The following DLGAP1 variants were observed in gnomAD, a reference collection of about 807,000 sequenced individuals.
DLGAP1 encodes disks large-associated protein 1.
Under a neutral mutation model 90.8 loss-of-function variants are expected in DLGAP1, and 11 were observed. The ratio of observed to expected loss-of-function variants is 0.12; its 90% confidence interval spans 0.08 to 0.20. The LOEUF is 0.20. Among genes scored for constraint, DLGAP1 ranks in the 10% least tolerant of loss-of-function variants. The pLI, the probability that DLGAP1 is intolerant of heterozygous loss-of-function variation, is 1.00. For synonymous variants in DLGAP1, 558 were observed against 540.7 expected (o/e 1.03, Z -0.44); for missense variants, 1,050 against 1,333.8 (o/e 0.79, Z 3.31).
At chr18:4,144,907 T>A (rs1174853416) in intron 2 of DLGAP1, among the ~76,000 whole-genome samples, 1 of 152,234 alleles carries the variant, frequency 6.6e-6, no homozygotes, top group Non-Finnish European at 1.5e-5. Context: ...TTGAACATTC[T>A]TACAGTATAA....
chr18:4,403,337 T>C (rs1417812852), intron 1 of DLGAP1, among the ~76,000 whole-genome samples: 1 of 152,136 alleles, frequency 6.6e-6, no homozygotes, highest in Non-Finnish European at 1.5e-5. Context: ...TTTTTAAAAT[T>C]CAGAAAATGC....
chr18:4,385,567 T>C (rs2082213771), intron 1 of DLGAP1, among the ~76,000 whole-genome samples: 1 of 152,072 alleles, frequency 6.6e-6, no homozygotes, highest in South Asian at 2.1e-4. Context: ...TGTGTCACAT[T>C]ATATAAATAA....
At chr18:3,699,560 G>A (rs188286684) in intron 7 of DLGAP1, among the ~76,000 whole-genome samples, 1 of 152,282 alleles carries the variant, frequency 6.6e-6, no homozygotes, top group East Asian at 1.9e-4. Flanking sequence ...TCTCCTGTAT[G>A]TGGTGTCTGT....
chr18:3,895,318 CACA>C (rs2071592971), intron 3 of DLGAP1, among the ~76,000 whole-genome samples: 1 of 147,662 alleles, frequency 6.8e-6, no homozygotes, highest in Non-Finnish European at 1.5e-5. Flanking sequence ...CACACACACA[CACA>C]TCATCATCAT....
chr18:3,993,569 G>A (rs1232065497), intron 3 of DLGAP1, among the ~76,000 whole-genome samples: 4 of 152,110 alleles, frequency 2.6e-5, no homozygotes, highest in Non-Finnish European at 5.9e-5. Flanking sequence ...AAGTGACAAC[G>A]CGTTTTGCAT....
At chr18:4,392,157 G>A (rs1393147960) in intron 1 of DLGAP1, among the ~76,000 whole-genome samples, 2 of 152,032 alleles carry the variant, frequency 1.3e-5, no homozygotes, top group Non-Finnish European at 2.9e-5. Context: ...GCCAGCAATC[G>A]CCACCAGCAA....
chr18:3,821,585 A>G (rs908073795), intron 4 of DLGAP1, among the ~76,000 whole-genome samples: 3 of 152,188 alleles, frequency 2.0e-5, no homozygotes, highest in African/African-American at 7.2e-5. Flanking sequence ...AATAATAAAC[A>G]CTTAATTCTG....
intron 1 of DLGAP1, among the ~76,000 whole-genome samples, chr18:4,160,581 C>T (rs1028239): frequency 0.017 from 2,591 of 152,196 alleles, 79 homozygotes; most frequent in African/African-American, 0.059. Context: ...TGATTATTAT[C>T]CCTCAGAAGA....
chr18:3,580,522 G>A, intron 8 of DLGAP1: 10 of 1,597,956 alleles, frequency 6.3e-6, no homozygotes, highest in East Asian at 2.3e-5. Context: ...AAGAGGAGGC[G>A]GCGGCAGCGG....
At chr18:4,189,277 G>T (rs1167611554) in intron 1 of DLGAP1, among the ~76,000 whole-genome samples, 1 of 151,844 alleles carries the variant, frequency 6.6e-6, no homozygotes, top group Non-Finnish European at 1.5e-5. Context: ...ATTTCATTAG[G>T]TCCTTCCCAG....
rs1317119880 is a variant in DLGAP1, at chr18:3,517,544, G to A, written c.2480-8883C>T. On this transcript the variant is annotated intron_variant, in intron 10 of 12. Transcript: ENST00000315677. The surrounding 1 kb of genome is among the most constrained non-coding windows in gnomAD (Gnocchi z 4.1). The stretch of plus-strand genomic sequence containing the variant: ...TAGAATTGAAGAGAGTTGGCCGGGC[G>A]CGGTGGCTCATGCCTGTAATCCCAG... Among the ~76,000 whole-genome samples, 2 of 152,134 alleles carry A rather than the reference G, an allele frequency of 1.3e-5. No homozygotes were observed. The highest frequency in any genetic ancestry group is 2.4e-5 in the African/African-American group (1 of 41,430).
intron 7 of DLGAP1, among the ~76,000 whole-genome samples, chr18:3,678,968 GTTC>G (rs1357243111): frequency 3.3e-5 from 5 of 152,074 alleles, no homozygotes; most frequent in Admixed American, 6.6e-5. Context: ...ACTATCACTG[GTTC>G]TTCTTCTTCT....
intron 2 of DLGAP1, among the ~76,000 whole-genome samples, chr18:4,048,078 A>G (rs2075081706): frequency 6.6e-6 from 1 of 152,200 alleles, no homozygotes. Context: ...GATTGCAGGC[A>G]TGATCCACAG....
At chr18:3,763,816 C>T (rs1012836347) in intron 5 of DLGAP1, among the ~76,000 whole-genome samples, 1 of 151,956 alleles carries the variant, frequency 6.6e-6, no homozygotes, top group Non-Finnish European at 1.5e-5. Flanking sequence ...CATGCACCAC[C>T]ATGCCTGGCT....
intron 1 of DLGAP1, among the ~76,000 whole-genome samples, chr18:4,307,635 G>A (rs1238003054): frequency 6.6e-6 from 1 of 151,860 alleles, no homozygotes; most frequent in East Asian, 1.9e-4. Context: ...GGCAGAGCCA[G>A]GCGGCAGGGC....
At chr18:3,640,294 A>C (rs1567881414) in intron 7 of DLGAP1, among the ~76,000 whole-genome samples, 2 of 152,220 alleles carry the variant, frequency 1.3e-5, no homozygotes, top group Non-Finnish European at 2.9e-5. Context: ...TACGTGCTGA[A>C]GTCCTTGATC....
intron 5 of DLGAP1, among the ~76,000 whole-genome samples, chr18:3,764,093 T>A (rs2064103586): frequency 6.6e-6 from 1 of 152,202 alleles, no homozygotes; most frequent in Non-Finnish European, 1.5e-5. Context: ...GCCCTATGCA[T>A]TTAAGTGCTT....
At chr18:4,209,390 C>T (rs1026348540) in intron 1 of DLGAP1, among the ~76,000 whole-genome samples, 1 of 152,148 alleles carries the variant, frequency 6.6e-6, no homozygotes, top group Non-Finnish European at 1.5e-5. Context: ...TATATATGTA[C>T]GAGTCAAAGC....
At position 3,874,599 on chromosome 18, in the gene DLGAP1, C is replaced by CTAT. The variant is rs944358909; in HGVS notation, c.957+4510_957+4512dup. The stretch of plus-strand genomic sequence containing the variant: ...ACCTCTTCCTATTTTATTTATTTAA[C>CTAT]TATTAAGCACTTACCCTGAGATGTG... On this transcript the variant is annotated intron_variant, in intron 4 of 12. Coordinates refer to ENST00000315677, the MANE Select transcript of DLGAP1 (RefSeq NM_004746.4). 5.9e-6 allele frequency: 9 copies of CTAT among 1,519,856 alleles called. No homozygotes were observed. In the Admixed American group the frequency reaches 2.0e-4, roughly 33 times the overall value. The allele number at this position is 1,519,856 out of a possible 1,614,324, so 94.1% of individuals were successfully genotyped here.
Sources: gnomAD v4.1 joint callset for allele counts (sites outside exome capture counted in the v4.1 genomes callset) on GRCh38, gnomAD v4.1.1 for gene constraint, Gnocchi (gnomAD v3.1) non-coding constraint, MANE v1.5 for transcripts, NCBI Gene and HGNC (gene_info 2026-07-23, HGNC 2026-07-21) for gene names.